TANGO6: variants seen among roughly 807,000 people sequenced by gnomAD.
TANGO6 encodes the protein transport and golgi organization 6 homolog.
TANGO6 carries 90 observed loss-of-function variants against 114.2 expected under a neutral mutation model. The observed-to-expected ratio is 0.79, with a 90% CI of 0.66 to 0.94. The LOEUF is 0.94. TANGO6 is among the 40% of genes least tolerant of loss of function. The probability of loss-of-function intolerance (pLI) is 0.00; values close to 1 mark genes in which losing one functional copy is unlikely to be tolerated. For missense variants in TANGO6, 1,274 were observed against 1,315.3 expected (o/e 0.97, Z 0.49); for synonymous variants, 477 against 509.8 (o/e 0.94, Z 0.87).
intron 8 of TANGO6, among the ~76,000 whole-genome samples, chr16:68,901,713 C>A (rs1962787906): frequency 2.0e-5 from 3 of 152,108 alleles, no homozygotes; most frequent in African/African-American, 7.2e-5. Context: ...GTCTCGAACT[C>A]CTGACCTCAG....
At chr16:68,900,599 ATGT>A in intron 8 of TANGO6, 53 bp downstream of exon 8, 1 of 1,386,904 alleles carries the variant, frequency 7.2e-7, no homozygotes, top group Non-Finnish European at 1.0e-6. Flanking sequence ...TCTTTTTTGC[ATGT>A]TGTTTTTGTT....
At chr16:69,064,083 C>T (rs1960178512) in intron 17 of TANGO6, among the ~76,000 whole-genome samples, 1 of 151,936 alleles carries the variant, frequency 6.6e-6, no homozygotes, top group Non-Finnish European at 1.5e-5. Flanking sequence ...ATGATCTGCC[C>T]GCCTCGGCCT....
At chr16:68,957,704 A>G (rs919613768) in intron 14 of TANGO6, among the ~76,000 whole-genome samples, 1 of 152,010 alleles carries the variant, frequency 6.6e-6, no homozygotes, top group African/African-American at 2.4e-5. Flanking sequence ...CAGCAAGCAT[A>G]AGACTTTAGA....
chr16:68,860,508 T>G lies in TANGO6; in HGVS notation c.719T>G (p.Leu240Arg), dbSNP rs775792608. The G allele has an allele frequency of 1.9e-6, 3 of 1,613,406 alleles. No homozygotes were observed. The South Asian group carries it at 3.3e-5, about 18-fold the overall frequency. Residue 240 changes from leucine (L) to arginine (R), a missense_variant, in exon 2 of 18, where the codon CTA (leucine) becomes CGA (arginine). By Grantham distance (102) the Leu-to-Arg change is moderately radical. Transcript: ENST00000261778. The part of the protein sequence containing the change: ...LGFCPTKRKL[L>R]TPAEEVLTEE... ...TTCTGCCCAACCAAAAGAAAACTGC[T>G]AACACCTGCAGAAGAGGTAAATATA...
Position 68,878,844 on chromosome 16 carries a change from G to A in TANGO6, c.1294+564G>A, listed in dbSNP as rs561583082. 1.4e-4 allele frequency among the ~76,000 whole-genome samples: 21 copies of A among 151,984 alleles called. No individual in the cohort carries two copies. In the South Asian group the frequency reaches 1.5e-3, roughly 11 times the overall value. ...TCTCAGCACTTTGGGAGGCTTAGGCGGGCAGATTGCTTGAGCCCAGGAGTT... is the reference window on the plus strand; with the variant it reads ...TCTCAGCACTTTGGGAGGCTTAGGCAGGCAGATTGCTTGAGCCCAGGAGTT... On this transcript the variant is annotated intron_variant, in intron 6 of 17. Transcript: ENST00000261778.
intron 9 of TANGO6, among the ~76,000 whole-genome samples, chr16:68,906,776 C>T (rs535319402): frequency 1.3e-5 from 2 of 150,882 alleles, no homozygotes; most frequent in Non-Finnish European, 2.9e-5. Flanking sequence ...AGGACATAAC[C>T]GCCTAGTTTC....
chr16:68,952,050 A>G (rs1218478043), intron 14 of TANGO6, among the ~76,000 whole-genome samples: 1 of 152,134 alleles, frequency 6.6e-6, no homozygotes, highest in Non-Finnish European at 1.5e-5. Context: ...CATATAGACT[A>G]GCTGTCACAA....
chr16:69,059,469 G>A (rs963786825), intron 17 of TANGO6, among the ~76,000 whole-genome samples: 2 of 151,934 alleles, frequency 1.3e-5, no homozygotes, highest in African/African-American at 4.8e-5. Context: ...GCCTCCCAAA[G>A]TTCTGGGATT....
intron 15 of TANGO6, among the ~76,000 whole-genome samples, chr16:68,976,033 C>G (rs992329647): frequency 6.6e-6 from 1 of 152,158 alleles, no homozygotes; most frequent in South Asian, 2.1e-4. Context: ...CTCTTACGCT[C>G]AAGGTATCCT....
chr16:68,915,099 G>A lies in TANGO6; in HGVS notation c.1993-3986G>A, dbSNP rs147054306. ...TGAGGCAGGAGTATTGCTTGAACCC[G>A]GGAGGTGGAGGTCACAGTGAGCCAA... On this transcript the variant is annotated intron_variant, in intron 11 of 17. Transcript: ENST00000261778. Among the ~76,000 whole-genome samples, 489 of 150,038 alleles carry A rather than the reference G, an allele frequency of 3.3e-3. 1 individual carries two copies. The highest frequency in any genetic ancestry group is 0.011 in the African/African-American group (462 of 40,710).
intron 14 of TANGO6, 196 bp from the exon 15 acceptor site, chr16:68,973,832 C>A: frequency 1.6e-6 from 1 of 607,474 alleles, no homozygotes; most frequent in Non-Finnish European, 2.9e-6. Context: ...ACTAGACAAA[C>A]ACAGGAGTCT....
chr16:69,045,572 T>C (rs1449360188), intron 17 of TANGO6, among the ~76,000 whole-genome samples: 1 of 149,254 alleles, frequency 6.7e-6, no homozygotes, highest in African/African-American at 2.5e-5. Context: ...TGAAACCCCC[T>C]CTCTACTAAA....
intron 1 of TANGO6, among the ~76,000 whole-genome samples, chr16:68,857,566 G>A (rs886491792): frequency 2.6e-5 from 4 of 152,082 alleles, no homozygotes; most frequent in East Asian, 1.9e-4. Context: ...TTGCTGGATC[G>A]TATGTTTAAC....
chr16:68,897,476 A>C (rs1453533922), intron 7 of TANGO6, among the ~76,000 whole-genome samples: 2 of 152,238 alleles, frequency 1.3e-5, no homozygotes, highest in African/African-American at 4.8e-5. Context: ...ATATACGTAT[A>C]AATAGCTGTA....
At chr16:69,043,651 G>A (rs889616173) in intron 17 of TANGO6, among the ~76,000 whole-genome samples, 2 of 152,116 alleles carry the variant, frequency 1.3e-5, no homozygotes, top group Non-Finnish European at 2.9e-5. Flanking sequence ...GTAATCGTAG[G>A]TGTGATTATA....
intron 15 of TANGO6, among the ~76,000 whole-genome samples, chr16:69,021,704 A>G (rs1465788106): frequency 6.6e-6 from 1 of 152,084 alleles, no homozygotes; most frequent in Non-Finnish European, 1.5e-5. Context: ...TTATCCAAGC[A>G]GACAGCAGGA....
intron 6 of TANGO6, among the ~76,000 whole-genome samples, chr16:68,878,538 TG>T (rs1271638524): frequency 6.6e-6 from 1 of 152,200 alleles, no homozygotes; most frequent in Non-Finnish European, 1.5e-5. Context: ...CATATAAACA[TG>T]TCTTTTCTGA....
At chr16:69,070,044 T>TAAA (rs775552668) in intron 17 of TANGO6, among the ~76,000 whole-genome samples, 1 of 75,352 alleles carries the variant, frequency 1.3e-5, no homozygotes, top group Non-Finnish European at 2.6e-5. Flanking sequence ...CTGTCTGTAC[T>TAAA]AAAAAAAAAA....
intron 7 of TANGO6, among the ~76,000 whole-genome samples, chr16:68,886,200 T>C (rs1360067454): frequency 1.3e-5 from 2 of 152,090 alleles, no homozygotes; most frequent in Admixed American, 6.6e-5. Flanking sequence ...GAGAAATGTC[T>C]ATTAAGGCCC....
Sources: allele counts gnomAD v4.1 joint callset (sites outside exome capture counted in the v4.1 genomes callset), GRCh38; gene constraint gnomAD v4.1.1; transcripts MANE v1.5; gene names NCBI Gene and HGNC (gene_info 2026-07-23, HGNC 2026-07-21).